PRELID2: variants seen among roughly 807,000 people sequenced by gnomAD.
The protein encoded by PRELID2 is PRELI domain-containing protein 2.
PRELID2 carries 25 observed loss-of-function variants against 28.4 expected under a neutral mutation model. That is an observed-to-expected ratio of 0.88 (90% CI 0.64 to 1.23). The LOEUF (loss-of-function observed/expected upper bound fraction) is 1.23, where lower values mean the gene tolerates loss of function less well. Ranked by LOEUF, PRELID2 falls within the 50% of genes most tolerant of loss-of-function variation. The pLI, the probability that PRELID2 is intolerant of heterozygous loss-of-function variation, is 0.00. For missense variants in PRELID2, 201 were observed against 214.4 expected (o/e 0.94, Z 0.39); for synonymous variants, 76 against 71.6 (o/e 1.06, Z -0.31).
chr5:145,614,654 G>T (rs185576295), intron 1 of PRELID2, among the ~76,000 whole-genome samples: 35 of 152,252 alleles, frequency 2.3e-4, no homozygotes, highest in Admixed American at 2.1e-3. Flanking sequence ...GTATAGAAGA[G>T]CTACTGATTT....
the PRELID2 span, among the ~76,000 whole-genome samples, chr5:145,277,012 T>C: frequency 6.6e-6 from 1 of 152,016 alleles, no homozygotes; most frequent in Non-Finnish European, 1.5e-5. Flanking sequence ...AGCTGCACCA[T>C]GCCTGTTCTG....
chr5:145,353,882 C>T, the PRELID2 span, among the ~76,000 whole-genome samples: 1 of 152,242 alleles, frequency 6.6e-6, no homozygotes, highest in South Asian at 2.1e-4. Flanking sequence ...TGAGGTCCTT[C>T]TCCAACTTTC....
At chr5:145,821,111 C>T (rs895231994) in intron 2 of PRELID2, among the ~76,000 whole-genome samples, 1 of 146,816 alleles carries the variant, frequency 6.8e-6, no homozygotes, top group Non-Finnish European at 1.5e-5. Context: ...AGACAGTTAA[C>T]AACCGCCTGA....
intron 1 of PRELID2, among the ~76,000 whole-genome samples, chr5:145,691,164 C>A (rs571123257): frequency 1.3e-5 from 2 of 152,136 alleles, no homozygotes; most frequent in Non-Finnish European, 2.9e-5. Context: ...TTTAGCTCAA[C>A]TCCCCAAAAA....
At chr5:145,712,728 G>A (rs1307414363) in intron 1 of PRELID2, among the ~76,000 whole-genome samples, 4 of 152,016 alleles carry the variant, frequency 2.6e-5, no homozygotes, top group African/African-American at 7.2e-5. Context: ...TGGCTCACAT[G>A]TTGAAAATAT....
At chr5:145,240,937 A>G in the PRELID2 span, among the ~76,000 whole-genome samples, 1 of 151,984 alleles carries the variant, frequency 6.6e-6, no homozygotes, top group Non-Finnish European at 1.5e-5. Flanking sequence ...AGATTATTTG[A>G]TCTCCTATGC....
intron 1 of PRELID2, among the ~76,000 whole-genome samples, chr5:145,696,987 G>T (rs1755282659): frequency 7.1e-6 from 1 of 141,708 alleles, no homozygotes; most frequent in East Asian, 2.1e-4. Context: ...ATAGAGGCAG[G>T]GGGTACTGAT....
At chr5:145,749,151 A>G (rs959423341) in intron 1 of PRELID2, among the ~76,000 whole-genome samples, 2 of 152,230 alleles carry the variant, frequency 1.3e-5, no homozygotes, top group Non-Finnish European at 2.9e-5. Context: ...GCTTCTGCAC[A>G]GCAAAAGAAA....
the PRELID2 span, among the ~76,000 whole-genome samples, chr5:145,301,186 C>A: frequency 6.6e-6 from 1 of 151,892 alleles, no homozygotes; most frequent in Non-Finnish European, 1.5e-5. Context: ...TTGTAATTAC[C>A]CTGACTATAA....
chr5:145,788,758 T>C (rs1189512551), intron 5 of PRELID2, among the ~76,000 whole-genome samples: 1 of 152,038 alleles, frequency 6.6e-6, no homozygotes, highest in East Asian at 1.9e-4. Context: ...TATATATATA[T>C]ATAAAACCCT....
At chr5:145,391,908 T>C in the PRELID2 span, among the ~76,000 whole-genome samples, 1 of 152,118 alleles carries the variant, frequency 6.6e-6, no homozygotes, top group Admixed American at 6.6e-5. Context: ...CCCAAGAAGT[T>C]CCTCATCTCC....
chr5:145,438,936 A>T, the PRELID2 span, among the ~76,000 whole-genome samples: 1 of 152,044 alleles, frequency 6.6e-6, no homozygotes, highest in Non-Finnish European at 1.5e-5. Context: ...ACCACCCATA[A>T]TCACACAGTG....
intron 1 of PRELID2, among the ~76,000 whole-genome samples, chr5:145,626,433 G>A (rs183882932): frequency 6.6e-6 from 1 of 152,024 alleles, no homozygotes; most frequent in African/African-American, 2.4e-5. Context: ...ACACAACGTC[G>A]CTAATCACCA....
intron 1 of PRELID2, among the ~76,000 whole-genome samples, chr5:145,493,271 T>C (rs753101453): frequency 6.6e-6 from 1 of 152,178 alleles, no homozygotes; most frequent in Admixed American, 6.5e-5. Context: ...TCGCTGCCTA[T>C]GTCCAGATGA....
intron 1 of PRELID2, among the ~76,000 whole-genome samples, chr5:145,660,100 T>C (rs1447501044): frequency 1.3e-5 from 2 of 152,140 alleles, no homozygotes; most frequent in African/African-American, 4.8e-5. Flanking sequence ...ATTTTGAAGG[T>C]AATGGGAAAC....
chr5:145,499,189 A>C (rs554860724), intron 1 of PRELID2, among the ~76,000 whole-genome samples: 2 of 152,106 alleles, frequency 1.3e-5, no homozygotes, highest in Non-Finnish European at 1.5e-5. Flanking sequence ...CTGAGGATGC[A>C]GTGACCTATG....
intron 1 of PRELID2, among the ~76,000 whole-genome samples, chr5:145,730,413 C>T (rs1345955980): frequency 1.3e-5 from 2 of 152,180 alleles, no homozygotes; most frequent in Non-Finnish European, 2.9e-5. Context: ...AGCACACTCT[C>T]AAAATGCCAA....
At chr5:145,826,894 T>TAA (rs1216106681) in intron 1 of PRELID2, among the ~76,000 whole-genome samples, 1 of 152,168 alleles carries the variant, frequency 6.6e-6, no homozygotes, top group East Asian at 1.9e-4. Flanking sequence ...AGCCTACTCT[T>TAA]AAAAGAGTTA....
intron 4 of PRELID2, among the ~76,000 whole-genome samples, chr5:145,813,663 T>C (rs1754100045): frequency 6.6e-6 from 1 of 152,110 alleles, no homozygotes; most frequent in Non-Finnish European, 1.5e-5. Flanking sequence ...CTCCAAAGAA[T>C]ACACATGAAG....
Sources: gnomAD v4.1 joint callset for allele counts (sites outside exome capture counted in the v4.1 genomes callset) on GRCh38, gnomAD v4.1.1 for gene constraint, MANE v1.5 for transcripts, NCBI Gene and HGNC (gene_info 2026-07-23, HGNC 2026-07-21) for gene names.